PPP6R3: variants seen among roughly 807,000 people sequenced by gnomAD.
The protein encoded by PPP6R3 is protein phosphatase 6 regulatory subunit 3, also known as serine/threonine-protein phosphatase 6 regulatory subunit 3.
In PPP6R3, 38 loss-of-function variants were observed where a neutral mutation model predicts 110.7. That is an observed-to-expected ratio of 0.34 (90% CI 0.26 to 0.45). PPP6R3 has a LOEUF of 0.45. PPP6R3 is among the 20% of genes least tolerant of loss of function. The pLI, the probability that PPP6R3 is intolerant of heterozygous loss-of-function variation, is 1.00. For missense variants in PPP6R3, 870 were observed against 1,062.4 expected (o/e 0.82, Z 2.52); for synonymous variants, 369 against 373.5 (o/e 0.99, Z 0.14).
At chr11:68,609,096 GT>G (rs1244904771) in intron 22 of PPP6R3, among the ~76,000 whole-genome samples, 2 of 152,168 alleles carry the variant, frequency 1.3e-5, no homozygotes, top group African/African-American at 4.8e-5. Flanking sequence ...TTGTGATTAT[GT>G]AAAAAGGGGA....
chr11:68,546,370 CTT>C (rs976700331), intron 4 of PPP6R3, among the ~76,000 whole-genome samples: 2 of 152,200 alleles, frequency 1.3e-5, no homozygotes, highest in Non-Finnish European at 2.9e-5. Flanking sequence ...TTTCTCCTCA[CTT>C]CTGTGCTGTT....
chr11:68,513,167 C>G (rs904744871), intron 1 of PPP6R3, among the ~76,000 whole-genome samples: 1 of 152,014 alleles, frequency 6.6e-6, no homozygotes, highest in Admixed American at 6.6e-5. Flanking sequence ...ACCGGCATCC[C>G]GGGGGTCTTC....
chr11:68,515,742 C>CATTTAACTGTA (rs1447762873), intron 1 of PPP6R3, among the ~76,000 whole-genome samples: 6 of 152,174 alleles, frequency 3.9e-5, no homozygotes, highest in Non-Finnish European at 1.5e-5. Flanking sequence ...CTTGTGACTC[C>CATTTAACTGTA]ATTTAACTGT....
chr11:68,489,164 GT>G (rs2098967473), intron 1 of PPP6R3, among the ~76,000 whole-genome samples: 1 of 151,692 alleles, frequency 6.6e-6, no homozygotes, highest in African/African-American at 2.4e-5. Context: ...GACTACAGGT[GT>G]CTGCCACCAC....
At chr11:68,605,920 A>C (rs901620528) in intron 22 of PPP6R3, among the ~76,000 whole-genome samples, 1 of 152,218 alleles carries the variant, frequency 6.6e-6, no homozygotes, top group Non-Finnish European at 1.5e-5. Context: ...AAGATAGAAA[A>C]AGTACAAAAC....
chr11:68,462,558 C>A (rs1230217462), intron 1 of PPP6R3, among the ~76,000 whole-genome samples: 1 of 152,154 alleles, frequency 6.6e-6, no homozygotes, highest in Admixed American at 6.5e-5. Context: ...CTCCTTGTTA[C>A]TGAAAACTGT....
Position 68,544,847 on chromosome 11 carries a change from T to C in PPP6R3, c.237T>C (p.Asn79=), listed in dbSNP as rs1340024215. ...MDEKIRYKYP[N]ISCELLTSDV... ...TATCCTGTTCTTCTAGGTATCCAAA[T>C]ATATCTTGTGAGTTGCTCACTTCTG... Residue 79 remains asparagine, a synonymous_variant, in exon 4 of 24, where the codon AAT becomes AAC. Transcript: ENST00000393800. The C allele has an allele frequency of 6.3e-7, 1 of 1,592,698 alleles. No homozygotes were observed. Among genetic ancestry groups the C allele is most frequent in the Non-Finnish European group, 8.6e-7 (1 of 1,162,308 alleles).
intron 2 of PPP6R3, among the ~76,000 whole-genome samples, chr11:68,523,899 C>T (rs1339710130): frequency 6.6e-6 from 1 of 151,880 alleles, no homozygotes; most frequent in Non-Finnish European, 1.5e-5. Flanking sequence ...TGTTGTGTTA[C>T]TAGAGTTTCC....
At chr11:68,463,450 G>T (rs1301259410) in intron 1 of PPP6R3, among the ~76,000 whole-genome samples, 2 of 150,660 alleles carry the variant, frequency 1.3e-5, no homozygotes, top group Non-Finnish European at 2.9e-5. Flanking sequence ...CAAGTGTCAC[G>T]ATCGGTATTT....
chr11:68,596,617 C>A (rs1322477541), intron 19 of PPP6R3, among the ~76,000 whole-genome samples: 1 of 152,218 alleles, frequency 6.6e-6, no homozygotes, highest in Non-Finnish European at 1.5e-5. Flanking sequence ...GGGACGCAGC[C>A]TTAGCTTAAC....
At chr11:68,550,469 G>T (rs1429331457) in intron 5 of PPP6R3, among the ~76,000 whole-genome samples, 1 of 152,158 alleles carries the variant, frequency 6.6e-6, no homozygotes, top group Admixed American at 6.5e-5. Context: ...TGTTAAGCCA[G>T]ATGATTTTTC....
chr11:68,472,573 CT>C (rs1416877043), intron 1 of PPP6R3, among the ~76,000 whole-genome samples: 2 of 150,334 alleles, frequency 1.3e-5, no homozygotes, highest in Non-Finnish European at 2.9e-5. Context: ...TATTGTCAGA[CT>C]TTAATATTTG....
intron 16 of PPP6R3, among the ~76,000 whole-genome samples, chr11:68,589,232 T>C (rs750642987): frequency 6.6e-6 from 1 of 151,972 alleles, no homozygotes; most frequent in Non-Finnish European, 1.5e-5. Flanking sequence ...ACAATAATAA[T>C]AATAATAAAA....
Position 68,614,889 on chromosome 11 carries a change from G to T in PPP6R3, c.*1772G>T. The T allele has an allele frequency of 1.2e-6, 1 of 843,948 alleles. No individual in the cohort carries two copies. Among genetic ancestry groups the T allele is most frequent in the Non-Finnish European group, 1.9e-6 (1 of 522,968 alleles). 52.3% of individuals were successfully genotyped at this position (843,948 alleles called of 1,614,324 possible). ...GGATTACTGGTAGATAATATGCTCTGGTCTCGCCTGGTGGTGAGTTTTGCC... is the reference window on the plus strand; with the variant it reads ...GGATTACTGGTAGATAATATGCTCTTGTCTCGCCTGGTGGTGAGTTTTGCC... On this transcript the variant is annotated 3_prime_UTR_variant, in exon 24 of 24. Coordinates refer to ENST00000393800, the MANE Select transcript of PPP6R3 (RefSeq NM_001164161.2).
intron 5 of PPP6R3, among the ~76,000 whole-genome samples, chr11:68,550,658 A>G (rs1168649985): frequency 6.6e-6 from 1 of 152,120 alleles, no homozygotes; most frequent in Non-Finnish European, 1.5e-5. Flanking sequence ...TGTAATCTAA[A>G]AGTCCCATTT....
chr11:68,570,223 A>G (rs746662192), intron 11 of PPP6R3, among the ~76,000 whole-genome samples: 13 of 152,230 alleles, frequency 8.5e-5, no homozygotes, highest in Non-Finnish European at 1.8e-4. Flanking sequence ...CATTTGCACT[A>G]TTATTTGGCT....
chr11:68,460,837 G>C lies in PPP6R3; in HGVS notation c.-158+10G>C, dbSNP rs1455620290. Reference sequence around the variant, plus strand: ...TCGTGGGCACCTCCAGGTAATGGGGGTAGGGGAGGCGCCGGAGCAGGCCGC... The same window carrying C: ...TCGTGGGCACCTCCAGGTAATGGGGCTAGGGGAGGCGCCGGAGCAGGCCGC... On this transcript the variant is annotated intron_variant, in intron 1 of 23. Coordinates refer to ENST00000393800, the MANE Select transcript of PPP6R3 (RefSeq NM_001164161.2). The C allele has an allele frequency of 1.3e-5, 2 of 152,376 alleles. No individual in the cohort carries two copies. The highest frequency in any genetic ancestry group is 6.5e-5 in the Admixed American group (1 of 15,282). The allele number at this position is 152,376 out of a possible 1,614,324, so 9.4% of individuals were successfully genotyped here.
intron 2 of PPP6R3, among the ~76,000 whole-genome samples, chr11:68,530,371 A>G (rs781282519): frequency 1.3e-5 from 2 of 152,108 alleles, no homozygotes; most frequent in Non-Finnish European, 2.9e-5. Flanking sequence ...TTTTCTTTGT[A>G]GTGTTCTGTT....
intron 1 of PPP6R3, among the ~76,000 whole-genome samples, chr11:68,477,741 A>AAAAAAAAAAT: frequency 5.2e-5 from 3 of 57,906 alleles, no homozygotes; most frequent in Non-Finnish European, 1.0e-4. Context: ...AAAAAAAAAA[A>AAAAAAAAAAT]ATATATATAT....
Sources: gnomAD v4.1 joint callset for allele counts (sites outside exome capture counted in the v4.1 genomes callset) on GRCh38, gnomAD v4.1.1 for gene constraint, MANE v1.5 for transcripts, NCBI Gene and HGNC (gene_info 2026-07-23, HGNC 2026-07-21) for gene names.